The following NLRP5 variants were observed in gnomAD, a reference collection of about 807,000 sequenced individuals.
NLRP5 encodes NACHT, LRR and PYD domains-containing protein 5.
A neutral mutation model predicts 113.1 loss-of-function variants in NLRP5; 93 were observed. That is an observed-to-expected ratio of 0.82 (90% CI 0.70 to 0.98). NLRP5 has a LOEUF of 0.98. Among genes scored for constraint, NLRP5 ranks in the 50% least tolerant of loss-of-function variants. NLRP5 has a pLI of 0.00. For missense variants in NLRP5, 1,808 were observed against 1,514.3 expected (o/e 1.19, Z -3.22); for synonymous variants, 751 against 600.7 (o/e 1.25, Z -3.66).
In NLRP5 at chr19:56,020,334, G is replaced by C. The variant is rs62120423; in HGVS notation, c.623-41G>C. Reference sequence around the variant, plus strand: ...TGGGGGTGTCTGACATCTCTGACTCGAATAATAAACACAAGTATGTTGGAA... The same window carrying C: ...TGGGGGTGTCTGACATCTCTGACTCCAATAATAAACACAAGTATGTTGGAA... On this transcript the variant is annotated intron_variant, in intron 5 of 14. Transcript: ENST00000390649. 1.9e-5 allele frequency: 31 copies of C among 1,609,962 alleles called. 1 individual carries two copies. Among genetic ancestry groups the C allele is most frequent in the Non-Finnish European group, 2.3e-5 (27 of 1,177,550 alleles).
chr19:56,059,917 G>C (rs575256492), intron 14 of NLRP5, among the ~76,000 whole-genome samples: 1 of 152,304 alleles, frequency 6.6e-6, no homozygotes, highest in African/African-American at 2.4e-5. Context: ...AGTTTATCCA[G>C]GGTTCAAGTT....
the NLRP5 span, chr19:55,988,222 C>T: frequency 0.28 from 42,890 of 153,652 alleles, 5,943 homozygotes; most frequent in African/African-American, 0.3. Flanking sequence ...TGAAACCCCG[C>T]CTCTACTAAA....
At chr19:56,031,805 T>G (rs1344987693) in intron 7 of NLRP5, among the ~76,000 whole-genome samples, 3 of 152,198 alleles carry the variant, frequency 2.0e-5, no homozygotes, top group African/African-American at 7.2e-5. Flanking sequence ...ACATGTTCTT[T>G]GTTCATCCAT....
chr19:55,988,006 G>T, the NLRP5 span: 2 of 953,670 alleles, frequency 2.1e-6, no homozygotes, highest in Non-Finnish European at 3.3e-6. Context: ...ATGCATTAAC[G>T]TACTTTCCCC....
chr19:56,034,473 C>A (rs1030394368), intron 9 of NLRP5, among the ~76,000 whole-genome samples: 9 of 152,198 alleles, frequency 5.9e-5, no homozygotes, highest in African/African-American at 2.2e-4. Flanking sequence ...GAAACAGATC[C>A]TGGTATGGTG....
chr19:56,059,573 C>A (rs1450386654), intron 14 of NLRP5, among the ~76,000 whole-genome samples: 2 of 152,110 alleles, frequency 1.3e-5, no homozygotes, highest in African/African-American at 4.8e-5. Context: ...CACTCTGTTG[C>A]CTCCAGGCTG....
rs1433459271 is a variant in NLRP5, at chr19:56,020,495, AGTAGTTTAGATTTCAAGGGTAT to A, written c.679+77_679+98del. On this transcript the variant is annotated intron_variant, in intron 6 of 14. Coordinates refer to ENST00000390649, the MANE Select transcript of NLRP5 (RefSeq NM_153447.4). ...AAGAAAGTTGGGTGAAAGAAGTGTA[AGTAGTTTAGATTTCAAGGGTAT>A]GTAGTTTAGATTGCCTTTCTTCAAT... 3 of 1,520,226 alleles carry A rather than the reference AGTAGTTTAGATTTCAAGGGTAT, an allele frequency of 2.0e-6. No individual in the cohort carries two copies. The African/African-American group carries it at 4.1e-5, about 21-fold the overall frequency. 94.2% of individuals were successfully genotyped at this position (1,520,226 alleles called of 1,614,324 possible).
At chr19:56,009,097 G>C (rs112659811) in intron 3 of NLRP5, among the ~76,000 whole-genome samples, 1 of 151,954 alleles carries the variant, frequency 6.6e-6, no homozygotes, top group African/African-American at 2.4e-5. Flanking sequence ...CCAGTACTTT[G>C]GGAGGCTGAG....
chr19:56,015,079 T>A (rs921117292), intron 3 of NLRP5, among the ~76,000 whole-genome samples: 2 of 152,210 alleles, frequency 1.3e-5, no homozygotes, highest in Non-Finnish European at 2.9e-5. Context: ...TTTCTTAATT[T>A]TTTTTGGTTA....
intron 14 of NLRP5, among the ~76,000 whole-genome samples, chr19:56,059,360 G>A (rs1984268974): frequency 6.6e-6 from 1 of 152,098 alleles, no homozygotes; most frequent in Non-Finnish European, 1.5e-5. Flanking sequence ...AGTGTTTAGT[G>A]GTAGAAAAAG....
the NLRP5 span, among the ~76,000 whole-genome samples, chr19:55,987,310 C>T: frequency 6.6e-6 from 1 of 152,194 alleles, no homozygotes; most frequent in Non-Finnish European, 1.5e-5. Context: ...GCAGAGGTTG[C>T]AGTGAGCCAA....
the NLRP5 span, among the ~76,000 whole-genome samples, chr19:55,987,117 C>G: frequency 1.1e-4 from 16 of 152,282 alleles, no homozygotes; most frequent in African/African-American, 3.6e-4. Flanking sequence ...GCCTATAATC[C>G]CAGCACTTTG....
intron 1 of NLRP5, among the ~76,000 whole-genome samples, chr19:56,001,031 T>C (rs932580434): frequency 2.0e-5 from 3 of 150,654 alleles, no homozygotes; most frequent in African/African-American, 7.3e-5. Flanking sequence ...GAAGAAAATA[T>C]TCAAATTTGG....
chr19:55,987,498 G>A, the NLRP5 span, among the ~76,000 whole-genome samples: 15 of 152,280 alleles, frequency 9.9e-5, no homozygotes, highest in African/African-American at 3.4e-4. Context: ...ATGGTTAACC[G>A]TAACTTAGTT....
In NLRP5 at chr19:56,008,784, C is replaced by G. The variant is rs12460592; in HGVS notation, c.443-4C>G. 574,102 of 1,603,598 alleles carry G rather than the reference C, an allele frequency of 0.36. 104,765 individuals carry two copies. Among genetic ancestry groups the G allele is most frequent in the Admixed American group, 0.38 (22,405 of 58,422 alleles). On this transcript the variant is annotated splice_region_variant and splice_polypyrimidine_tract_variant and intron_variant, in intron 2 of 14. Coordinates refer to ENST00000390649, the MANE Select transcript of NLRP5 (RefSeq NM_153447.4). The stretch of plus-strand genomic sequence containing the variant: ...GCCAGTCTCCCTTTTTCTTTGTCTT[C>G]CAGGACATTCACCAGAAGATCCTGA...
chr19:56,013,595 G>GTTTTTTTTTTTTT (rs1418924718), intron 3 of NLRP5, among the ~76,000 whole-genome samples: 8 of 30,974 alleles, frequency 2.6e-4, no homozygotes, highest in South Asian at 9.3e-4. Flanking sequence ...TGGACATTTG[G>GTTTTTTTTTTTTT]GTTTTTTTTT....
chr19:56,037,036 C>T (rs1983343549), intron 9 of NLRP5, among the ~76,000 whole-genome samples: 1 of 152,174 alleles, frequency 6.6e-6, no homozygotes, highest in Non-Finnish European at 1.5e-5. Flanking sequence ...CGTGGCTATT[C>T]TAATATTCTA....
intron 14 of NLRP5, among the ~76,000 whole-genome samples, chr19:56,058,999 A>G (rs1048387982): frequency 6.6e-6 from 1 of 152,230 alleles, no homozygotes; most frequent in Non-Finnish European, 1.5e-5. Flanking sequence ...AGAGGTACTT[A>G]TAAGAGTGAA....
At chr19:56,036,103 G>T (rs867832646) in intron 9 of NLRP5, among the ~76,000 whole-genome samples, 11 of 106,638 alleles carry the variant, frequency 1.0e-4, no homozygotes, top group Non-Finnish European at 1.7e-4. Context: ...TTGCTCTGTT[G>T]CCCAGGCTGG....
Sources: allele counts gnomAD v4.1 joint callset (sites outside exome capture counted in the v4.1 genomes callset), GRCh38; gene constraint gnomAD v4.1.1; transcripts MANE v1.5; gene names NCBI Gene and HGNC (gene_info 2026-07-23, HGNC 2026-07-21).